CNTN6: variants seen among roughly 807,000 people sequenced by gnomAD.
CNTN6 encodes the protein contactin 6, also known as contactin-6.
A neutral mutation model predicts 122.8 loss-of-function variants in CNTN6; 137 were observed. The ratio of observed to expected loss-of-function variants is 1.12; its 90% CI spans 0.97 to 1.29. The LOEUF (loss-of-function observed/expected upper bound fraction) is 1.29, where lower values mean the gene tolerates loss of function less well. Ranked by LOEUF, CNTN6 falls within the 50% of genes most tolerant of loss-of-function variation. CNTN6 has a pLI of 0.00. For synonymous variants in CNTN6, 570 were observed against 426.0 expected, an observed-to-expected ratio of 1.34 and a Z score of -4.16; for missense variants, 1,634 against 1,223.4, an observed-to-expected ratio of 1.34 and a Z score of -5.01.
chr3:1,179,416 C>T (rs577882259), intron 2 of CNTN6, among the ~76,000 whole-genome samples: 1 of 152,158 alleles, frequency 6.6e-6, no homozygotes, highest in East Asian at 1.9e-4. Flanking sequence ...CTTTTCAGCC[C>T]GGGAGCGTGG....
chr3:1,222,106 A>T (rs2094214937), intron 3 of CNTN6, among the ~76,000 whole-genome samples: 1 of 152,196 alleles, frequency 6.6e-6, no homozygotes, highest in African/African-American at 2.4e-5. Flanking sequence ...TTTTACAACA[A>T]AGGAGCTGAA....
At chr3:1,296,536 A>G (rs1417376662) in intron 6 of CNTN6, among the ~76,000 whole-genome samples, 2 of 152,118 alleles carry the variant, frequency 1.3e-5, no homozygotes, top group Non-Finnish European at 2.9e-5. Context: ...TTGTTGGTGC[A>G]TTTTATGATT....
chr3:1,147,539 T>G (rs2092748711), intron 1 of CNTN6, among the ~76,000 whole-genome samples: 2 of 152,096 alleles, frequency 1.3e-5, no homozygotes, highest in Non-Finnish European at 1.5e-5. Context: ...TTGATTTCAT[T>G]TATCACTGCA....
chr3:1,204,861 T>A (rs1372357428), intron 2 of CNTN6, among the ~76,000 whole-genome samples: 1 of 152,148 alleles, frequency 6.6e-6, no homozygotes, highest in Non-Finnish European at 1.5e-5. Flanking sequence ...GCCTCCCATA[T>A]GATGGATGGG....
chr3:1,394,336 G>C (rs1211221564), intron 20 of CNTN6: 1 of 169,608 alleles, frequency 5.9e-6, no homozygotes, highest in Non-Finnish European at 1.3e-5. Context: ...GAGCTGGTGG[G>C]TGTAGGCCAA....
chr3:1,227,425 C>G (rs1378031307), intron 3 of CNTN6, among the ~76,000 whole-genome samples: 1 of 152,150 alleles, frequency 6.6e-6, no homozygotes, highest in Non-Finnish European at 1.5e-5. Flanking sequence ...GAATTCCTAT[C>G]TTTAAATCAT....
At chr3:1,151,157 A>G (rs2092834080) in intron 2 of CNTN6, among the ~76,000 whole-genome samples, 1 of 152,196 alleles carries the variant, frequency 6.6e-6, no homozygotes, top group Non-Finnish European at 1.5e-5. Context: ...GGTAACTTTT[A>G]TAGAAGTCAT....
chr3:1,323,399 T>A (rs1189426745), intron 8 of CNTN6, among the ~76,000 whole-genome samples: 4 of 151,718 alleles, frequency 2.6e-5, no homozygotes, highest in Admixed American at 1.3e-4. Context: ...AATTAGCCAT[T>A]TAATTAGCCT....
At chr3:1,231,303 C>G (rs770485051) in intron 4 of CNTN6, among the ~76,000 whole-genome samples, 1 of 152,204 alleles carries the variant, frequency 6.6e-6, no homozygotes, top group Non-Finnish European at 1.5e-5. Flanking sequence ...AGCTATGCAT[C>G]AGAATAAAAA....
chr3:1,176,438 G>A (rs1360529583), intron 2 of CNTN6, among the ~76,000 whole-genome samples: 1 of 152,140 alleles, frequency 6.6e-6, no homozygotes, highest in African/African-American at 2.4e-5. Context: ...CAAACTTGAG[G>A]CTGTTTGATT....
chr3:1,142,228 A>T (rs1019465393), intron 1 of CNTN6, among the ~76,000 whole-genome samples: 1 of 151,160 alleles, frequency 6.6e-6, no homozygotes, highest in African/African-American at 2.4e-5. Flanking sequence ...AAAAAAAAAA[A>T]CATGATTATT....
intron 7 of CNTN6, among the ~76,000 whole-genome samples, chr3:1,305,602 A>C (rs1386190170): frequency 2.6e-5 from 4 of 152,148 alleles, no homozygotes; most frequent in Non-Finnish European, 4.4e-5. Flanking sequence ...CTGAGTGAAG[A>C]AATTAAACTG....
intron 4 of CNTN6, among the ~76,000 whole-genome samples, chr3:1,262,317 A>T (rs1448246999): frequency 2.0e-5 from 3 of 152,164 alleles, no homozygotes; most frequent in Non-Finnish European, 1.5e-5. Flanking sequence ...AGTAAAAACA[A>T]GGAGACTGAT....
At chr3:1,402,636 T>A (rs1695871664) in intron 22 of CNTN6, 150 bp downstream of exon 22, 3 of 592,172 alleles carry the variant, frequency 5.1e-6, no homozygotes, top group South Asian at 3.1e-5. Context: ...GCCATTTTTT[T>A]AAGTTATTCT....
chr3:1,110,565 T>A (rs898256030), intron 1 of CNTN6, among the ~76,000 whole-genome samples: 1 of 152,100 alleles, frequency 6.6e-6, no homozygotes, highest in Non-Finnish European at 1.5e-5. Flanking sequence ...AAAAAGAAAT[T>A]CCTTATACAG....
intron 12 of CNTN6, among the ~76,000 whole-genome samples, chr3:1,365,772 A>G (rs1011922285): frequency 2.0e-5 from 3 of 152,170 alleles, no homozygotes; most frequent in Admixed American, 6.6e-5. Flanking sequence ...TTAATATGTT[A>G]AAATGTTTAA....
At chr3:1,109,509 C>T (rs146868107) in intron 1 of CNTN6, among the ~76,000 whole-genome samples, 88 of 151,994 alleles carry the variant, frequency 5.8e-4, no homozygotes, top group Non-Finnish European at 1.1e-3. Context: ...CTCTGTGTGG[C>T]AATAATTTTT....
chr3:1,124,691 T>A (rs202173927), intron 1 of CNTN6, among the ~76,000 whole-genome samples: 1 of 52,350 alleles, frequency 1.9e-5, no homozygotes, highest in African/African-American at 5.7e-5. Context: ...ATTATTGAAA[T>A]TTTTTTTAAG....
At chr3:1,101,925 T>A (rs1258309472) in intron 1 of CNTN6, among the ~76,000 whole-genome samples, 1 of 152,222 alleles carries the variant, frequency 6.6e-6, no homozygotes, top group African/African-American at 2.4e-5. Context: ...CAGCAATTCC[T>A]AGTGACACAG....
Sources: gnomAD v4.1 joint callset for allele counts (sites outside exome capture counted in the v4.1 genomes callset) on GRCh38, gnomAD v4.1.1 for gene constraint, MANE v1.5 for transcripts, NCBI Gene and HGNC (gene_info 2026-07-23, HGNC 2026-07-21) for gene names.